TNIK: variants seen among roughly 807,000 people sequenced by gnomAD.
TNIK encodes the protein TRAF2 and NCK interacting kinase.
Under a neutral mutation model 191.3 loss-of-function variants are expected in TNIK, and 49 were observed. That is an observed-to-expected ratio of 0.26 (90% CI 0.20 to 0.32). TNIK has a LOEUF of 0.32. TNIK is among the 10% of genes least tolerant of loss of function. The pLI, the probability that TNIK is intolerant of heterozygous loss-of-function variation, is 1.00. For missense variants in TNIK, 1,155 were observed against 1,702.3 expected, an observed-to-expected ratio of 0.68 and a Z score of 5.66; for synonymous variants, 594 against 600.9, an observed-to-expected ratio of 0.99 and a Z score of 0.17.
intron 1 of TNIK, among the ~76,000 whole-genome samples, chr3:171,425,126 A>G (rs561794980): frequency 6.6e-6 from 1 of 152,226 alleles, no homozygotes; most frequent in Admixed American, 6.5e-5. Context: ...CATTCAATTT[A>G]TGCATGATTA....
chr3:171,210,946 G>A (rs1455120062), intron 4 of TNIK, among the ~76,000 whole-genome samples, 170 bp downstream of exon 4: 1 of 151,670 alleles, frequency 6.6e-6, no homozygotes, highest in Non-Finnish European at 1.5e-5. Flanking sequence ...TGAAAAGACA[G>A]ATATTCAAGG....
intron 1 of TNIK, among the ~76,000 whole-genome samples, chr3:171,427,932 A>C (rs1232763967): frequency 6.6e-6 from 1 of 152,144 alleles, no homozygotes; most frequent in Non-Finnish European, 1.5e-5. Context: ...CTCCTACGTG[A>C]GAGGACGCTG....
intron 12 of TNIK, among the ~76,000 whole-genome samples, chr3:171,150,644 G>T (rs997764754): frequency 6.6e-6 from 1 of 152,190 alleles, no homozygotes; most frequent in Admixed American, 6.5e-5. Flanking sequence ...TTCTCCAGGG[G>T]AAGGTTCTCT....
At chr3:171,230,703 C>T (rs1169801885) in intron 2 of TNIK, among the ~76,000 whole-genome samples, 3 of 152,184 alleles carry the variant, frequency 2.0e-5, no homozygotes, top group African/African-American at 7.2e-5. Context: ...GATTCAATTA[C>T]AGTACTCTGT....
At chr3:171,066,463 A>C in intron 31 of TNIK, 113 bp downstream of exon 31, 1 of 1,443,172 alleles carries the variant, frequency 6.9e-7, no homozygotes, top group Non-Finnish European at 9.5e-7. Flanking sequence ...AGAGTTATTC[A>C]CAGATTTTTT....
At chr3:171,359,637 T>C (rs899589645) in intron 2 of TNIK, among the ~76,000 whole-genome samples, 1 of 152,178 alleles carries the variant, frequency 6.6e-6, no homozygotes, top group African/African-American at 2.4e-5. Flanking sequence ...TCCTATGTAG[T>C]AGTAAGCATA....
At chr3:171,241,925 C>T (rs963376166) in intron 2 of TNIK, among the ~76,000 whole-genome samples, 2 of 151,876 alleles carry the variant, frequency 1.3e-5, no homozygotes, top group South Asian at 2.1e-4. Context: ...GGACAAAAAA[C>T]CAAACACCAC....
intron 2 of TNIK, among the ~76,000 whole-genome samples, chr3:171,312,494 C>CG (rs1754149155): frequency 1.3e-5 from 2 of 151,836 alleles, no homozygotes; most frequent in Admixed American, 6.6e-5. Context: ...CAGGTTTTAA[C>CG]GACTACCCAC....
Position 171,161,289 on chromosome 3 carries a change from TCTC to T in TNIK, c.994_996del (p.Glu332del), listed in dbSNP as rs749889554. 6.2e-7 allele frequency: 1 copy of T among 1,613,362 alleles called. No homozygotes were observed. The highest frequency in any genetic ancestry group is 1.7e-5 in the Admixed American group (1 of 60,008). ...TCATACCTGGGCTCTCCTGAGTCAT[TCTC>T]CTCCTCTTCTTCCTCACTTCCACTG... On this transcript the variant is annotated inframe_deletion, in exon 11 of 33. Transcript: ENST00000436636.
At chr3:171,237,840 C>T (rs147804741) in intron 2 of TNIK, among the ~76,000 whole-genome samples, 1 of 152,090 alleles carries the variant, frequency 6.6e-6, no homozygotes, top group African/African-American at 2.4e-5. Flanking sequence ...ATCACTTGAG[C>T]CCAGGAGTTT....
At chr3:171,087,734 C>T (rs539428100) in intron 23 of TNIK, among the ~76,000 whole-genome samples, 1 of 152,322 alleles carries the variant, frequency 6.6e-6, no homozygotes, top group African/African-American at 2.4e-5. Flanking sequence ...GCATGAGGTA[C>T]AGACAGTGGT....
At chr3:171,185,560 G>A (rs184697287) in intron 7 of TNIK, among the ~76,000 whole-genome samples, 15 of 152,186 alleles carry the variant, frequency 9.9e-5, no homozygotes, top group African/African-American at 3.6e-4. Flanking sequence ...GAAAGGAAGG[G>A]CCTCCAGGGG....
chr3:171,109,497 T>A (rs2108498378), intron 19 of TNIK, among the ~76,000 whole-genome samples: 1 of 152,334 alleles, frequency 6.6e-6, no homozygotes, highest in African/African-American at 2.4e-5. Flanking sequence ...TCAAGCTTTT[T>A]AAAATGGAAA....
chr3:171,406,163 A>G (rs1031496910), intron 1 of TNIK, among the ~76,000 whole-genome samples: 3 of 27,160 alleles, frequency 1.1e-4, no homozygotes, highest in African/African-American at 9.3e-4. Context: ...GCTAGAAGTG[A>G]AAAAAAAAAC....
Position 171,309,548 on chromosome 3 carries a change from C to G in TNIK, c.123+60072G>C, listed in dbSNP as rs551449408. ...CAAACTTGCACGTGCACCCCTGAAC[C>G]AAAATCAAAGTTTAAAAAAATGCTT... On this transcript the variant is annotated intron_variant, in intron 2 of 32. Transcript: ENST00000436636. 2.9e-4 allele frequency among the ~76,000 whole-genome samples: 44 copies of G among 152,142 alleles called. 1 individual carries two copies. In the South Asian group the frequency reaches 6.2e-3, roughly 22 times the overall value.
intron 12 of TNIK, among the ~76,000 whole-genome samples, chr3:171,141,243 A>G (rs896751606): frequency 2.0e-5 from 3 of 152,232 alleles, no homozygotes; most frequent in Non-Finnish European, 2.9e-5. Flanking sequence ...TCATCTTCAC[A>G]AAAATAAGTG....
At chr3:171,242,845 A>C (rs1443383983) in intron 2 of TNIK, among the ~76,000 whole-genome samples, 1 of 152,204 alleles carries the variant, frequency 6.6e-6, no homozygotes, top group Non-Finnish European at 1.5e-5. Flanking sequence ...ATGATGCTTT[A>C]AAAGATTGAA....
chr3:171,236,375 G>A (rs1265326432), intron 2 of TNIK, among the ~76,000 whole-genome samples: 1 of 152,212 alleles, frequency 6.6e-6, no homozygotes, highest in Non-Finnish European at 1.5e-5. Context: ...GTGATCTGAT[G>A]TGAGTGTTTT....
At chr3:171,351,725 A>C (rs1474983154) in intron 2 of TNIK, among the ~76,000 whole-genome samples, 1 of 152,156 alleles carries the variant, frequency 6.6e-6, no homozygotes, top group Non-Finnish European at 1.5e-5. Flanking sequence ...TGCATCATGT[A>C]ACCTGGTTAC....
Sources: gnomAD v4.1 joint callset for allele counts (sites outside exome capture counted in the v4.1 genomes callset) on GRCh38, gnomAD v4.1.1 for gene constraint, MANE v1.5 for transcripts, NCBI Gene and HGNC (gene_info 2026-07-23, HGNC 2026-07-21) for gene names.